SELP: variants seen among roughly 807,000 people sequenced by gnomAD.
The protein encoded by SELP is P-selectin.
Under a neutral mutation model 104.1 loss-of-function variants are expected in SELP, and 92 were observed. That is an observed-to-expected ratio of 0.88 (90% CI 0.75 to 1.05). SELP has a LOEUF of 1.05. Ranked by LOEUF, SELP falls within the 50% of genes least tolerant of loss-of-function variation. The probability of loss-of-function intolerance (pLI) is 0.00; values close to 1 mark genes in which losing one functional copy is unlikely to be tolerated. For synonymous variants in SELP, 397 were observed against 364.5 expected (o/e 1.09, Z -1.01); for missense variants, 1,022 against 1,017.3 (o/e 1.00, Z -0.06).
Position 169,612,260 on chromosome 1 carries a change from G to T in SELP, c.918C>A (p.Cys306Ter), listed in dbSNP as rs750288167. 94 of 1,614,138 alleles carry T rather than the reference G, an allele frequency of 5.8e-5. No individual in the cohort carries two copies. Among genetic ancestry groups the T allele is most frequent in the Non-Finnish European group, 7.8e-5 (92 of 1,180,000 alleles). ...FALVGPEVVQCTASGVWTAPA... is the reference protein window; with the variant it reads ...FALVGPEVVQ Reference sequence around the variant, plus strand: ...GGGCTGTCCATACCCCCGAGGCTGTGCATTGCACCACTTCCGGTCCAACTA... The same window carrying T: ...GGGCTGTCCATACCCCCGAGGCTGTTCATTGCACCACTTCCGGTCCAACTA... Residue 306 changes from cysteine to a stop codon, truncating the protein, a stop_gained, in exon 6 of 17, where the codon TGC (cysteine) becomes TGA (stop). Transcript: ENST00000263686. LOFTEE classifies it high-confidence loss of function.
rs762984201 is a variant in SELP, at chr1:169,609,539, A to G, written c.1298T>C (p.Leu433Ser). Residue 433 changes from leucine (L) to serine (S), a missense_variant, in exon 8 of 17, where the codon TTG becomes TCG. Transcript: ENST00000263686. ...TGGGGCTGGTGCTGTCCACTGTCCC[A>G]AGTTATCACACCGAACTATATCGGC... Reference protein sequence around the residue: ...RGADIVRCDNLGQWTAPAPVC... With the variant: ...RGADIVRCDNSGQWTAPAPVC... 6.2e-7 allele frequency: 1 copy of G among 1,613,948 alleles called. No individual in the cohort carries two copies. Among genetic ancestry groups the G allele is most frequent in the Non-Finnish European group, 8.5e-7 (1 of 1,179,888 alleles).
Position 169,617,107 on chromosome 1 carries a change from T to C in SELP, c.402A>G (p.Ile134Met). The C allele has an allele frequency of 1.9e-6, 3 of 1,614,130 alleles. No homozygotes were observed. The highest frequency in any genetic ancestry group is 2.5e-6 in the Non-Finnish European group (3 of 1,180,016). The change falls in exon 3 of 17, where the codon ATA (isoleucine) becomes ATG (methionine). Residue 134 changes from isoleucine to methionine, a missense_variant. Physicochemically the swap from Ile to Met is conservative, Grantham distance 10. Transcript: ENST00000263686. ...NKRNNEDCVE[I>M]YIKSPSAPGK... The stretch of plus-strand genomic sequence containing the variant: ...CAGGGGCTGACGGACTCTTGATGTA[T>C]ATCTCCACGCAGTCCTCGTTGTTCC...
At chr1:169,610,307 T>G (rs761967088) in intron 7 of SELP, among the ~76,000 whole-genome samples, 1 of 152,278 alleles carries the variant, frequency 6.6e-6, no homozygotes, top group Non-Finnish European at 1.5e-5. Flanking sequence ...AGTTGCCAAG[T>G]GAGTGCAGCC....
intron 10 of SELP, 67 bp downstream of exon 10, chr1:169,602,959 C>T: frequency 7.4e-7 from 1 of 1,357,118 alleles, no homozygotes; most frequent in Admixed American, 2.0e-5. Context: ...TTATATAAAT[C>T]CCTGATGATT....
intron 9 of SELP, among the ~76,000 whole-genome samples, 187 bp from the exon 10 acceptor site, chr1:169,603,398 A>G (rs776273935): frequency 1.3e-4 from 19 of 150,648 alleles, no homozygotes; most frequent in Non-Finnish European, 2.5e-4. Flanking sequence ...TTTGAATTTC[A>G]TGATGCTTCA....
Position 169,610,587 on chromosome 1 carries a change from G to A in SELP, c.1148-898C>T, listed in dbSNP as rs550736344. 1.3e-3 allele frequency among the ~76,000 whole-genome samples: 193 copies of A among 152,074 alleles called. 2 individuals are homozygous for A. The highest frequency in any genetic ancestry group is 3.4e-3 in the Middle Eastern group (1 of 294). ...TGATGTGAGTGAATCACTTGAGGTC[G>A]GGAGTTTGAGACCAGCCTGGCCAAA... On this transcript the variant is annotated intron_variant, in intron 7 of 16. Transcript: ENST00000263686.
intron 9 of SELP, among the ~76,000 whole-genome samples, chr1:169,604,800 A>C (rs1261807329): frequency 6.6e-6 from 1 of 152,114 alleles, no homozygotes; most frequent in East Asian, 1.9e-4. Context: ...CACAGAACCC[A>C]TTTCCAGCTC....
intron 11 of SELP, among the ~76,000 whole-genome samples, chr1:169,596,465 C>T (rs2101871263): frequency 6.6e-6 from 1 of 152,332 alleles, no homozygotes; most frequent in East Asian, 1.9e-4. Flanking sequence ...GGGCCAACTG[C>T]CTGCCCAACC....
chr1:169,622,984 A>G (rs1335055498), intron 1 of SELP, among the ~76,000 whole-genome samples: 3 of 152,222 alleles, frequency 2.0e-5, no homozygotes, highest in Non-Finnish European at 4.4e-5. Context: ...TAATTTTTGT[A>G]ATACACTGGA....
chr1:169,607,095 C>CG lies in SELP; in HGVS notation c.1372dup (p.Arg458ProfsTer12). ...ACCGAAGGGGTGGGAGCAGTTCACC[C>CG]GGGCCTCATTTGGAACTGGGAGATC... On this transcript the variant is annotated frameshift_variant, in exon 9 of 17. Coordinates refer to ENST00000263686, the MANE Select transcript of SELP (RefSeq NM_003005.4). LOFTEE classifies it high-confidence loss of function. The CG allele has an allele frequency of 6.2e-7, 1 of 1,607,142 alleles. No individual in the cohort carries two copies. Among genetic ancestry groups the CG allele is most frequent in the Non-Finnish European group, 8.5e-7 (1 of 1,174,482 alleles).
At chr1:169,618,308 T>C (rs1430815128) in intron 2 of SELP, among the ~76,000 whole-genome samples, 1 of 152,216 alleles carries the variant, frequency 6.6e-6, no homozygotes, top group Non-Finnish European at 1.5e-5. Context: ...TGGCTGTTTG[T>C]CTTTCATTAA....
Position 169,613,572 on chromosome 1 carries a change from A to G in SELP, c.589+14T>C, listed in dbSNP as rs1033018649. The G allele has an allele frequency of 6.2e-7, 1 of 1,601,872 alleles. No individual in the cohort carries two copies. Among genetic ancestry groups the G allele is most frequent in the African/African-American group, 1.3e-5 (1 of 74,674 alleles). ...CATAAAACCAAAATAATATCAACAAAAAGGAAGCCTCACCGTATTCACATT... is the reference window on the plus strand; with the variant it reads ...CATAAAACCAAAATAATATCAACAAGAAGGAAGCCTCACCGTATTCACATT... On this transcript the variant is annotated intron_variant, in intron 4 of 16. Transcript: ENST00000263686.
At chr1:169,629,659 T>C (rs1255827262) in intron 1 of SELP, among the ~76,000 whole-genome samples, 1 of 152,194 alleles carries the variant, frequency 6.6e-6, no homozygotes, top group Non-Finnish European at 1.5e-5. Flanking sequence ...ATTCCATCAT[T>C]TATCCCAGAG....
At chr1:169,589,816 C>T (rs1181147859) in intron 16 of SELP, among the ~76,000 whole-genome samples, 1 of 152,192 alleles carries the variant, frequency 6.6e-6, no homozygotes, top group Non-Finnish European at 1.5e-5. Flanking sequence ...AGTTCGTAAA[C>T]ATTTTTCAGC....
At chr1:169,609,959 T>C (rs1184070879) in intron 7 of SELP, among the ~76,000 whole-genome samples, 2 of 152,074 alleles carry the variant, frequency 1.3e-5, no homozygotes, top group Admixed American at 1.3e-4. Context: ...TAGAAGCCCC[T>C]GCAATGTGCT....
At chr1:169,621,428 TTGTGTGTGTGTGTGTGTG>T (rs57079522) in intron 1 of SELP, among the ~76,000 whole-genome samples, 1 of 130,680 alleles carries the variant, frequency 7.7e-6, no homozygotes, top group Admixed American at 7.6e-5. Context: ...CAGTGTGAGG[TTGTGTGTGTGTGTGTGTG>T]TGTGTGTGTG....
chr1:169,590,750 A>G (rs1661318837), intron 15 of SELP, among the ~76,000 whole-genome samples: 1 of 152,152 alleles, frequency 6.6e-6, no homozygotes, highest in Non-Finnish European at 1.5e-5. Context: ...CTTGTTCATT[A>G]CAAAAATAAA....
chr1:169,596,038 C>T lies in SELP; in HGVS notation c.1988G>A (p.Gly663Asp), dbSNP rs775850414. Reference protein sequence around the residue: ...MYCRHHPGTFGFNTTCYFGCN... With the variant: ...MYCRHHPGTFDFNTTCYFGCN... The stretch of plus-strand genomic sequence containing the variant: ...GCCAAAGTAACAAGTGGTATTAAAA[C>T]CAAAGGTTCCCGGATGATGCCTACA... Residue 663 changes from glycine (G) to aspartate (D), a missense_variant, in exon 12 of 17, where the codon GGT becomes GAT. By Grantham distance (94) the Gly-to-Asp change is moderately conservative (BLOSUM62 -1). Coordinates refer to ENST00000263686, the MANE Select transcript of SELP (RefSeq NM_003005.4). 1 of 1,613,816 alleles carries T rather than the reference C, an allele frequency of 6.2e-7. No homozygotes were observed. Among genetic ancestry groups the T allele is most frequent in the Non-Finnish European group, 8.5e-7 (1 of 1,179,848 alleles).
rs147152033 is a variant in SELP, at chr1:169,609,572, A to T, written c.1265T>A (p.Leu422Gln). 110 of 1,614,058 alleles carry T rather than the reference A, an allele frequency of 6.8e-5. No individual in the cohort carries two copies. The African/African-American group carries it at 1.4e-3, about 20-fold the overall frequency. Reference sequence around the variant, plus strand: ...ACACCGAACTATATCGGCTCCTCTCAGCATGAAACCTTCAGCACAGCGGAA... The same window carrying T: ...ACACCGAACTATATCGGCTCCTCTCTGCATGAAACCTTCAGCACAGCGGAA... Reference protein sequence around the residue: ...CSFRCAEGFMLRGADIVRCDN... With the variant: ...CSFRCAEGFMQRGADIVRCDN... Residue 422 changes from leucine to glutamine, a missense_variant, in exon 8 of 17, where the codon CTG becomes CAG. Leu to Gln is a moderately radical substitution (Grantham distance 113). Transcript: ENST00000263686.
Sources: allele counts gnomAD v4.1 joint callset (sites outside exome capture counted in the v4.1 genomes callset), GRCh38; gene constraint gnomAD v4.1.1; transcripts MANE v1.5; gene names NCBI Gene and HGNC (gene_info 2026-07-23, HGNC 2026-07-21).